KIAA0232: variants seen among roughly 807,000 people sequenced by gnomAD.
The protein encoded by KIAA0232 is KIAA0232.
A neutral mutation model predicts 122.0 loss-of-function variants in KIAA0232; 27 were observed. The observed-to-expected ratio is 0.22, with a 90% CI of 0.16 to 0.31. The LOEUF is 0.31. Ranked by LOEUF, KIAA0232 falls within the 10% of genes least tolerant of loss-of-function variation. KIAA0232 has a pLI of 1.00. For synonymous variants in KIAA0232, 613 were observed against 587.6 expected (o/e 1.04, Z -0.63); for missense variants, 1,551 against 1,634.2 (o/e 0.95, Z 0.88).
At chr4:6,856,995 A>G (rs1720601981) in intron 4 of KIAA0232, among the ~76,000 whole-genome samples, 169 bp from the exon 5 acceptor site, 1 of 152,242 alleles carries the variant, frequency 6.6e-6, no homozygotes, top group Admixed American at 6.5e-5. Flanking sequence ...ACCAATTTGT[A>G]TCTACAAACC....
At chr4:6,818,217 A>G (rs1310616822) in intron 2 of KIAA0232, among the ~76,000 whole-genome samples, 2 of 152,024 alleles carry the variant, frequency 1.3e-5, no homozygotes, top group African/African-American at 4.8e-5. Context: ...CCTGGCCAAG[A>G]TGGTGAAACC....
intron 4 of KIAA0232, among the ~76,000 whole-genome samples, chr4:6,856,525 A>G (rs991236279): frequency 2.6e-5 from 4 of 152,130 alleles, no homozygotes; most frequent in Non-Finnish European, 4.4e-5. Flanking sequence ...AGACTCTTCT[A>G]TGTACTCTCC....
At chr4:6,818,615 A>T (rs1718257720) in intron 2 of KIAA0232, among the ~76,000 whole-genome samples, 1 of 152,118 alleles carries the variant, frequency 6.6e-6, no homozygotes, top group African/African-American at 2.4e-5. Context: ...GGACTGGAAG[A>T]ATTGATATCA....
chr4:6,876,192 C>G (rs1407450477), intron 8 of KIAA0232, among the ~76,000 whole-genome samples: 3 of 152,214 alleles, frequency 2.0e-5, no homozygotes, highest in African/African-American at 7.2e-5. Flanking sequence ...GGACGTGACC[C>G]TGTGTCGTTT....
At chr4:6,786,257 G>C (rs1016569364) in intron 1 of KIAA0232, among the ~76,000 whole-genome samples, 1 of 152,140 alleles carries the variant, frequency 6.6e-6, no homozygotes, top group African/African-American at 2.4e-5. Flanking sequence ...ATATTATAAA[G>C]TATATTTATT....
intron 1 of KIAA0232, among the ~76,000 whole-genome samples, chr4:6,800,758 A>G (rs899714345): frequency 6.6e-5 from 10 of 152,194 alleles, no homozygotes; most frequent in African/African-American, 2.4e-4. Context: ...AGTAAGCAGA[A>G]TGGCAGAAAT....
chr4:6,784,532 C>A (rs762585935), intron 1 of KIAA0232, among the ~76,000 whole-genome samples: 5 of 152,218 alleles, frequency 3.3e-5, no homozygotes, highest in African/African-American at 4.8e-5. Context: ...AAATAGGTCT[C>A]AGGATCTCTA....
chr4:6,801,300 A>G (rs908419782), intron 1 of KIAA0232, among the ~76,000 whole-genome samples: 1 of 152,222 alleles, frequency 6.6e-6, no homozygotes, highest in Non-Finnish European at 1.5e-5. Context: ...TGGCTACCAT[A>G]TTCATTGGAC....
Position 6,787,013 on chromosome 4 carries a change from T to A in KIAA0232, c.-354+4172T>A, listed in dbSNP as rs1486563995. On this transcript the variant is annotated intron_variant, in intron 1 of 9. Coordinates refer to ENST00000307659, the MANE Select transcript of KIAA0232 (RefSeq NM_014743.3). ...CTGGCCAACATGGTGAAACCCCATC[T>A]CTACTAAAAATACAAAAATTATCCG... Among the ~76,000 whole-genome samples, 6 of 151,830 alleles carry A rather than the reference T, an allele frequency of 4.0e-5. No individual in the cohort carries two copies. The East Asian group carries it at 1.2e-3, about 29-fold the overall frequency.
chr4:6,794,915 T>C (rs561873637), intron 1 of KIAA0232, among the ~76,000 whole-genome samples: 44 of 152,248 alleles, frequency 2.9e-4, no homozygotes, highest in African/African-American at 9.9e-4. Context: ...CCTTGTCTAG[T>C]AGCTTGGTAG....
intron 1 of KIAA0232, among the ~76,000 whole-genome samples, chr4:6,785,652 C>T (rs1022500735): frequency 1.3e-5 from 2 of 152,226 alleles, no homozygotes; most frequent in African/African-American, 4.8e-5. Context: ...CCATTCTTTG[C>T]CTGGCTGCCA....
Position 6,862,235 on chromosome 4 carries a change from TAGAC to T in KIAA0232, c.1856_1859del (p.Asp619AlafsTer25). Reference sequence around the variant, plus strand: ...TCTCCAGTTAGACTCTCTCCCATCTTAGACAGCACAGTGCTCAATTCACACCTGC... The same window carrying T: ...TCTCCAGTTAGACTCTCTCCCATCTTAGCACAGTGCTCAATTCACACCTGC... On this transcript the variant is annotated frameshift_variant, in exon 7 of 10. Coordinates refer to ENST00000307659, the MANE Select transcript of KIAA0232 (RefSeq NM_014743.3). LOFTEE classifies it high-confidence loss of function. 6.2e-7 allele frequency: 1 copy of T among 1,614,192 alleles called. No homozygotes were observed. The highest frequency in any genetic ancestry group is 8.5e-7 in the Non-Finnish European group (1 of 1,180,030).
chr4:6,860,817 C>T (rs1720810989), intron 6 of KIAA0232, 84 bp from the exon 7 acceptor site: 2 of 1,146,790 alleles, frequency 1.7e-6, no homozygotes, highest in South Asian at 1.5e-5. Flanking sequence ...ATGAAATATT[C>T]CATTCTTCTG....
At chr4:6,858,309 C>A (rs1344059441) in intron 5 of KIAA0232, 116 bp from the exon 6 acceptor site, 3 of 615,596 alleles carry the variant, frequency 4.9e-6, no homozygotes, top group Non-Finnish European at 8.4e-6. Context: ...TTGAGTTTGC[C>A]TTTTAAGCAC....
intron 5 of KIAA0232, 32 bp downstream of exon 5, chr4:6,857,262 CA>C: frequency 6.4e-7 from 1 of 1,566,704 alleles, no homozygotes; most frequent in Non-Finnish European, 8.7e-7. Flanking sequence ...GCACACATGC[CA>C]GGATTACATC....
Position 6,862,305 on chromosome 4 carries a change from A to T in KIAA0232, c.1923A>T (p.Gly641=). ...AGCTCTTTTCAGATATTAATGAAGG[A>T]TCTGGTATAAACTCTTGTTTTTCAG... The part of the protein sequence containing the change: ...NQELFSDINE[G]SGINSCFSVF... Residue 641 remains glycine (G), a synonymous_variant, in exon 7 of 10, where the codon GGA becomes GGT. Transcript: ENST00000307659. 6.2e-7 allele frequency: 1 copy of T among 1,614,158 alleles called. No homozygotes were observed.
At chr4:6,824,739 T>C in intron 3 of KIAA0232, 55 bp downstream of exon 3, 4 of 1,437,544 alleles carry the variant, frequency 2.8e-6, no homozygotes, top group Non-Finnish European at 3.9e-6. Flanking sequence ...TATGTATACA[T>C]TCCTCTTAAA....
At chr4:6,816,528 C>T (rs544570988) in intron 2 of KIAA0232, among the ~76,000 whole-genome samples, 10 of 152,198 alleles carry the variant, frequency 6.6e-5, no homozygotes, top group Non-Finnish European at 1.5e-4. Context: ...GTGATCCACC[C>T]GCCTCGGCCT....
chr4:6,858,498 A>G lies in KIAA0232; in HGVS notation c.510A>G (p.Gln170=), dbSNP rs557667251. The G allele has an allele frequency of 6.2e-7, 1 of 1,602,324 alleles. No individual in the cohort carries two copies. Among genetic ancestry groups the G allele is most frequent in the African/African-American group, 1.3e-5 (1 of 74,636 alleles). The part of the protein sequence containing the change: ...EAELSPPAKD[Q]VEMYYEAFPP... ...AATTATCCCCTCCAGCAAAGGATCA[A>G]GTGGAAATGTATGTAAGATTGTATT... is the stretch of plus-strand genomic sequence containing the variant. The change falls in exon 6 of 10, where the codon CAA becomes CAG. Residue 170 remains glutamine (Q), a synonymous_variant. Coordinates refer to ENST00000307659, the MANE Select transcript of KIAA0232 (RefSeq NM_014743.3).
Sources: allele counts gnomAD v4.1 joint callset (sites outside exome capture counted in the v4.1 genomes callset), GRCh38; gene constraint gnomAD v4.1.1; transcripts MANE v1.5; gene names NCBI Gene and HGNC (gene_info 2026-07-23, HGNC 2026-07-21).